The following RAP1GDS1 variants were observed in gnomAD, a reference collection of about 807,000 sequenced individuals.
The protein encoded by RAP1GDS1 is Rap1 GTPase-GDP dissociation stimulator 1, also known as RAP1, GTP-GDP dissociation stimulator 1.
RAP1GDS1 carries 35 observed loss-of-function variants against 71.1 expected under a neutral mutation model. That is an observed-to-expected ratio of 0.49 (90% CI 0.38 to 0.65). The LOEUF (loss-of-function observed/expected upper bound fraction) is 0.65, where lower values mean the gene tolerates loss of function less well. RAP1GDS1 is among the 30% of genes least tolerant of loss of function. The probability of loss-of-function intolerance (pLI) is 0.00; values close to 1 mark genes in which losing one functional copy is unlikely to be tolerated. For missense variants in RAP1GDS1, 663 were observed against 706.1 expected (o/e 0.94, Z 0.69); for synonymous variants, 229 against 243.1 (o/e 0.94, Z 0.54).
intron 2 of RAP1GDS1, among the ~76,000 whole-genome samples, chr4:98,325,779 G>C (rs1283322153): frequency 2.5e-5 from 3 of 118,052 alleles, no homozygotes; most frequent in Non-Finnish European, 1.7e-5. Context: ...TGGTGGGGTG[G>C]GGGGAGGGGG....
intron 4 of RAP1GDS1, among the ~76,000 whole-genome samples, chr4:98,361,185 CTATA>C (rs1480512943): frequency 6.6e-6 from 1 of 151,068 alleles, no homozygotes; most frequent in Non-Finnish European, 1.5e-5. Flanking sequence ...TTCTAAATAA[CTATA>C]TATGCATTTG....
chr4:98,372,311 C>CGTGG (rs1387606348), intron 4 of RAP1GDS1, among the ~76,000 whole-genome samples: 2 of 152,106 alleles, frequency 1.3e-5, no homozygotes, highest in African/African-American at 4.8e-5. Flanking sequence ...TATAGGTGCA[C>CGTGG]GCCACCATGC....
chr4:98,415,926 T>G (rs1038113805), intron 7 of RAP1GDS1, among the ~76,000 whole-genome samples: 1 of 152,204 alleles, frequency 6.6e-6, no homozygotes, highest in Non-Finnish European at 1.5e-5. Flanking sequence ...TTTATTTATT[T>G]AATTTTTATA....
chr4:98,316,315 A>G (rs928608517), intron 2 of RAP1GDS1, among the ~76,000 whole-genome samples: 2 of 152,170 alleles, frequency 1.3e-5, no homozygotes, highest in Admixed American at 6.6e-5. Flanking sequence ...AAAATGTTTA[A>G]TAAGTATAAA....
At chr4:98,394,299 T>C (rs970531480) in intron 6 of RAP1GDS1, among the ~76,000 whole-genome samples, 1 of 152,088 alleles carries the variant, frequency 6.6e-6, no homozygotes, top group Non-Finnish European at 1.5e-5. Context: ...CCCCAAGAAA[T>C]AGTCATCATC....
In RAP1GDS1 at chr4:98,352,515, C is replaced by A; in HGVS notation, c.275C>A (p.Ser92Ter). 1 of 1,613,948 alleles carries A rather than the reference C, an allele frequency of 6.2e-7. No homozygotes were observed. The highest frequency in any genetic ancestry group is 8.5e-7 in the Non-Finnish European group (1 of 1,179,862). ...CCATGTGTGGATGCTGGATTGATTT[C>A]ACCACTGGTGCAGCTGCTAAATAGC... ...RIPCVDAGLI[S>*]PLVQLLNSKD... Residue 92 changes from serine (S) to a stop codon, truncating the protein, a stop_gained, in exon 4 of 15, where the codon TCA (serine) becomes TAA (stop). Transcript: ENST00000408927. LOFTEE classifies it high-confidence loss of function.
In RAP1GDS1 at chr4:98,432,973, TGA is replaced by T. The variant is rs375320409; in HGVS notation, c.1441-960_1441-959del. On this transcript the variant is annotated intron_variant, in intron 12 of 14. Coordinates refer to ENST00000408927, the MANE Select transcript of RAP1GDS1 (RefSeq NM_001100427.2). ...ATAACTTTGTAATAACAAAAACCTATGAGATATATACTTACATCATTCCAGTG... is the reference window on the plus strand; with the variant it reads ...ATAACTTTGTAATAACAAAAACCTATGATATATACTTACATCATTCCAGTG... Among the ~76,000 whole-genome samples the T allele has an allele frequency of 3.5e-3, 531 of 152,160 alleles. 1 individual carries two copies. Among genetic ancestry groups the T allele is most frequent in the African/African-American group, 0.012 (509 of 41,528 alleles).
At chr4:98,275,018 C>CTGTGTGTGTGTGTGTGTGTGTG (rs3974887) in intron 1 of RAP1GDS1, among the ~76,000 whole-genome samples, 1 of 144,840 alleles carries the variant, frequency 6.9e-6, no homozygotes, top group South Asian at 2.2e-4. Flanking sequence ...TTGTTTGCAG[C>CTGTGTGTGTGTGTGTGTGTGTG]TGTGTGTGTG....
chr4:98,371,037 C>T (rs1159315246), intron 4 of RAP1GDS1, among the ~76,000 whole-genome samples: 2 of 151,670 alleles, frequency 1.3e-5, no homozygotes, highest in South Asian at 2.1e-4. Flanking sequence ...GGATTTATCC[C>T]TAGTTTTATC....
intron 3 of RAP1GDS1, among the ~76,000 whole-genome samples, chr4:98,346,572 T>G (rs1391985880): frequency 2.0e-5 from 3 of 151,924 alleles, no homozygotes; most frequent in African/African-American, 2.4e-5. Flanking sequence ...TTTTTTTTTT[T>G]GAGAGGGAGT....
At chr4:98,276,774 T>G (rs562116821) in intron 1 of RAP1GDS1, among the ~76,000 whole-genome samples, 4 of 152,178 alleles carry the variant, frequency 2.6e-5, no homozygotes, top group Non-Finnish European at 5.9e-5. Flanking sequence ...GCAACCTCAA[T>G]GAGTTTTGCC....
intron 2 of RAP1GDS1, among the ~76,000 whole-genome samples, chr4:98,322,099 A>G (rs900565918): frequency 2.4e-4 from 24 of 99,568 alleles, no homozygotes; most frequent in African/African-American, 9.7e-4. Flanking sequence ...TGGAAAACAA[A>G]AAAAGGCAGG....
chr4:98,301,547 GATAA>G (rs2040791356), intron 2 of RAP1GDS1, among the ~76,000 whole-genome samples: 1 of 152,086 alleles, frequency 6.6e-6, no homozygotes, highest in South Asian at 2.1e-4. Context: ...TTATTACAGA[GATAA>G]ATAAATATCC....
At position 98,317,503 on chromosome 4, in the gene RAP1GDS1, G is replaced by GT. The variant is rs566589671; in HGVS notation, c.112+23989dup. Among the ~76,000 whole-genome samples, 282 of 152,212 alleles carry GT rather than the reference G, an allele frequency of 1.9e-3. 1 individual carries two copies. The highest frequency in any genetic ancestry group is 6.4e-3 in the African/African-American group (265 of 41,516). On this transcript the variant is annotated intron_variant, in intron 2 of 14. Transcript: ENST00000408927. ...TGTCATGGGGTAATCACATGTTAAG[G>GT]TGATAGGGTTGGAGGAGGAGGAAGT...
At chr4:98,399,692 C>T (rs1379469906) in intron 6 of RAP1GDS1, among the ~76,000 whole-genome samples, 1 of 152,152 alleles carries the variant, frequency 6.6e-6, no homozygotes, top group African/African-American at 2.4e-5. Context: ...TTCAGTATCA[C>T]TAATCTTCAG....
chr4:98,282,799 CAG>C (rs1725347555), intron 1 of RAP1GDS1, among the ~76,000 whole-genome samples: 1 of 152,112 alleles, frequency 6.6e-6, no homozygotes, highest in African/African-American at 2.4e-5. Flanking sequence ...AAATGTGTCC[CAG>C]AGATTCTGGT....
At chr4:98,435,852 A>AT (rs200438866) in intron 13 of RAP1GDS1, among the ~76,000 whole-genome samples, 9,161 of 151,904 alleles carry the variant, frequency 0.06, 721 homozygotes, top group African/African-American at 0.18. Context: ...CGGGTGGATC[A>AT]TGAGGTCAGG....
rs569264354 is a variant in RAP1GDS1 at position 98,427,245 on chromosome 4, C to T, written c.1440+5851C>T. ...TATAATAAAAGCCGTCTATGAGAAACTCATATCCAACATAATACTGAATGG... is the reference window on the plus strand; with the variant it reads ...TATAATAAAAGCCGTCTATGAGAAATTCATATCCAACATAATACTGAATGG... On this transcript the variant is annotated intron_variant, in intron 12 of 14. Transcript: ENST00000408927. Among the ~76,000 whole-genome samples, 3 of 152,236 alleles carry T rather than the reference C, an allele frequency of 2.0e-5. No homozygotes were observed. The South Asian group carries it at 6.2e-4, about 32-fold the overall frequency.
chr4:98,282,301 T>A (rs1271235847), intron 1 of RAP1GDS1, among the ~76,000 whole-genome samples: 1 of 152,228 alleles, frequency 6.6e-6, no homozygotes, highest in Non-Finnish European at 1.5e-5. Context: ...GTTATTGGTC[T>A]ATTCAGAGAT....
Sources: gnomAD v4.1 joint callset for allele counts (sites outside exome capture counted in the v4.1 genomes callset) on GRCh38, gnomAD v4.1.1 for gene constraint, MANE v1.5 for transcripts, NCBI Gene and HGNC (gene_info 2026-07-23, HGNC 2026-07-21) for gene names.